The following GATA4 variants were observed in gnomAD, a reference collection of about 807,000 sequenced individuals.
GATA4 encodes the protein transcription factor GATA-4.
A neutral mutation model predicts 37.9 loss-of-function variants in GATA4; 7 were observed. The observed-to-expected ratio is 0.18, with a 90% CI of 0.11 to 0.35. GATA4 has a LOEUF of 0.35. Ranked by LOEUF, GATA4 falls within the 10% of genes least tolerant of loss-of-function variation. The probability of loss-of-function intolerance (pLI) is 1.00; values close to 1 mark genes in which losing one functional copy is unlikely to be tolerated. For missense variants in GATA4, 647 were observed against 653.0 expected (o/e 0.99, Z 0.10); for synonymous variants, 372 against 292.6 (o/e 1.27, Z -2.77).
upstream of GATA4, among the ~76,000 whole-genome samples, chr8:11,703,735 A>C (rs1799768223): frequency 6.6e-6 from 1 of 152,174 alleles, no homozygotes. Flanking sequence ...CGGGGCTGGG[A>C]GGATCCCCAC....
chr8:11,748,907 C>T lies in GATA4; in HGVS notation c.617-9C>T. The T allele has an allele frequency of 6.2e-7, 1 of 1,614,218 alleles. No homozygotes were observed. The highest frequency in any genetic ancestry group is 8.5e-7 in the Non-Finnish European group (1 of 1,180,014). ...CTGTGTCTTTTCTTGTCTGTTCCCC[C>T]CAACTCAGTAGATATGTTTGACGAC... is the stretch of plus-strand genomic sequence containing the variant. On this transcript the variant is annotated splice_polypyrimidine_tract_variant and intron_variant, in intron 2 of 6. Coordinates refer to ENST00000532059, the MANE Select transcript of GATA4 (RefSeq NM_001308093.3).
chr8:11,699,538 G>A (rs1330082262), upstream of GATA4, among the ~76,000 whole-genome samples: 1 of 152,266 alleles, frequency 6.6e-6, no homozygotes, highest in African/African-American at 2.4e-5. Flanking sequence ...ATTGTCTCCA[G>A]GTCCTTGGAT....
intron 1 of GATA4, among the ~76,000 whole-genome samples, chr8:11,684,849 A>T (rs1799087988): frequency 6.6e-6 from 1 of 152,238 alleles, no homozygotes; most frequent in African/African-American, 2.4e-5. Flanking sequence ...TTTATCTGAC[A>T]CACTGATAAA....
intron 1 of GATA4, among the ~76,000 whole-genome samples, chr8:11,696,647 C>T (rs1487227073): frequency 6.6e-6 from 1 of 152,184 alleles, no homozygotes; most frequent in Non-Finnish European, 1.5e-5. Flanking sequence ...TCCTGAAGCT[C>T]ATTGCAAATA....
At chr8:11,741,978 C>T (rs1328808975) in intron 2 of GATA4, among the ~76,000 whole-genome samples, 1 of 152,214 alleles carries the variant, frequency 6.6e-6, no homozygotes, top group Non-Finnish European at 1.5e-5. Context: ...GACTGCCCAG[C>T]CTGGGTTCGA....
At chr8:11,724,658 G>C (rs968462719) in intron 2 of GATA4, among the ~76,000 whole-genome samples, 6 of 152,182 alleles carry the variant, frequency 3.9e-5, no homozygotes, top group Admixed American at 2.6e-4. Flanking sequence ...TCACCTTCGT[G>C]AGCTGGTGGC....
intron 2 of GATA4, among the ~76,000 whole-genome samples, chr8:11,738,085 G>A (rs1363242423): frequency 6.6e-6 from 1 of 151,444 alleles, no homozygotes; most frequent in African/African-American, 2.4e-5. Flanking sequence ...GGAGGCTGAG[G>A]CAGGAGAATT....
At chr8:11,736,692 T>G (rs11993825) in intron 2 of GATA4, among the ~76,000 whole-genome samples, 3,780 of 152,320 alleles carry the variant, frequency 0.025, 159 homozygotes, top group African/African-American at 0.087. Flanking sequence ...ATGTTGGGCT[T>G]CCTCAGATTA....
intron 4 of GATA4, among the ~76,000 whole-genome samples, chr8:11,751,596 C>T (rs904909747): frequency 6.6e-6 from 1 of 152,158 alleles, no homozygotes; most frequent in Non-Finnish European, 1.5e-5. Flanking sequence ...ACAGATAGGT[C>T]TTGTAGCCTA....
upstream of GATA4, among the ~76,000 whole-genome samples, chr8:11,689,983 C>T (rs1167855794): frequency 1.3e-5 from 2 of 152,336 alleles, no homozygotes; most frequent in Middle Eastern, 3.4e-3. Flanking sequence ...GTGTGTGGCT[C>T]TATAGCCCTG....
chr8:11,677,727 C>G (rs919961754), intron 1 of GATA4, among the ~76,000 whole-genome samples: 1 of 152,078 alleles, frequency 6.6e-6, no homozygotes, highest in South Asian at 2.1e-4. Flanking sequence ...TTTGCCTATT[C>G]GCAGATCAAG....
chr8:11,678,136 T>C (rs1038644192), intron 1 of GATA4, among the ~76,000 whole-genome samples: 4 of 151,952 alleles, frequency 2.6e-5, no homozygotes, highest in African/African-American at 9.7e-5. Context: ...CTCTGAGAGT[T>C]TGAAACCTAC....
chr8:11,717,729 C>A (rs926177557), intron 2 of GATA4, among the ~76,000 whole-genome samples: 1 of 152,222 alleles, frequency 6.6e-6, no homozygotes, highest in Non-Finnish European at 1.5e-5. Context: ...GTCTGAGTTT[C>A]CGTTTGCTTC....
upstream of GATA4, among the ~76,000 whole-genome samples, chr8:11,689,186 C>T (rs1799236317): frequency 6.6e-6 from 1 of 152,164 alleles, no homozygotes; most frequent in African/African-American, 2.4e-5. Flanking sequence ...TTTCTTCAGG[C>T]CAGTAACCAC....
At chr8:11,745,411 CAAAAAAAA>C (rs3030049) in intron 2 of GATA4, among the ~76,000 whole-genome samples, 13,866 of 104,150 alleles carry the variant, frequency 0.13, 862 homozygotes, top group Middle Eastern at 0.17. Flanking sequence ...TTGTCTCTAC[CAAAAAAAA>C]AAAAAAAAAA....
At chr8:11,678,753 C>T (rs2129912382) in intron 1 of GATA4, among the ~76,000 whole-genome samples, 1 of 152,274 alleles carries the variant, frequency 6.6e-6, no homozygotes, top group South Asian at 2.1e-4. Context: ...ACTTGAAAGT[C>T]CCACTTTATG....
chr8:11,721,270 C>T (rs551361595), intron 2 of GATA4, among the ~76,000 whole-genome samples: 1 of 150,558 alleles, frequency 6.6e-6, no homozygotes, highest in Admixed American at 6.6e-5. Context: ...CGTTTGCTGC[C>T]TATAGGAAGG....
exon 1 of GATA4, chr8:11,677,006 CAG>C (rs1798805880): frequency 6.6e-6 from 1 of 152,308 alleles, no homozygotes. Flanking sequence ...AATCCCTGTG[CAG>C]AGTTTGCCTC....
intron 2 of GATA4, among the ~76,000 whole-genome samples, chr8:11,710,725 A>G (rs1800143289): frequency 7.0e-6 from 1 of 143,458 alleles, no homozygotes. Flanking sequence ...GGACTGGTCC[A>G]GGGAGAGTTT....
Sources: gnomAD v4.1 joint callset for allele counts (sites outside exome capture counted in the v4.1 genomes callset) on GRCh38, gnomAD v4.1.1 for gene constraint, MANE v1.5 for transcripts, NCBI Gene and HGNC (gene_info 2026-07-23, HGNC 2026-07-21) for gene names.